Variants in KLF7 observed in about 807,000 individuals in gnomAD.
KLF7 encodes the protein KLF transcription factor 7.
Under a neutral mutation model 27.3 loss-of-function variants are expected in KLF7, and 2 were observed. The ratio of observed to expected loss-of-function variants is 0.07; its 90% CI spans 0.03 to 0.23. The LOEUF is 0.23. KLF7 is among the 10% of genes least tolerant of loss of function. The pLI, the probability that KLF7 is intolerant of heterozygous loss-of-function variation, is 1.00. For missense variants in KLF7, 221 were observed against 394.1 expected (o/e 0.56, Z 3.72); for synonymous variants, 165 against 162.4 (o/e 1.02, Z -0.12).
chr2:207,143,863 G>A lies in KLF7; in HGVS notation c.103-19459C>T, dbSNP rs556157634. On this transcript the variant is annotated intron_variant, in intron 1 of 3. Coordinates refer to ENST00000309446, the MANE Select transcript of KLF7 (RefSeq NM_003709.4). ...AGCTTCAGGGCCGGAAAGAGAGTTA[G>A]AGGAGGCACACTTCCTAGCTTGGGG... Among the ~76,000 whole-genome samples, 120 of 152,294 alleles carry A rather than the reference G, an allele frequency of 7.9e-4. 1 individual carries two copies. The South Asian group carries it at 0.024, about 31-fold the overall frequency.
chr2:207,106,842 TG>T (rs1324971317), intron 2 of KLF7, among the ~76,000 whole-genome samples: 1 of 152,008 alleles, frequency 6.6e-6, no homozygotes. Flanking sequence ...GGAAGAAGGG[TG>T]GGGTCTGCTC....
At chr2:207,095,031 C>CTTTTTTTT (rs36091471) in intron 2 of KLF7, among the ~76,000 whole-genome samples, 15 of 82,432 alleles carry the variant, frequency 1.8e-4, no homozygotes, top group South Asian at 5.3e-4. Flanking sequence ...TGTTTTTATT[C>CTTTTTTTT]TTTTTTTTTT....
At chr2:207,127,531 G>A (rs2077513554) in intron 1 of KLF7, among the ~76,000 whole-genome samples, 1 of 152,140 alleles carries the variant, frequency 6.6e-6, no homozygotes. Context: ...AAATGATTAT[G>A]AGAACTCTCA....
Position 207,123,814 on chromosome 2 carries a change from T to A in KLF7, c.693A>T (p.Thr231=), listed in dbSNP as rs955581950. 1 of 1,614,106 alleles carries A rather than the reference T, an allele frequency of 6.2e-7. No individual in the cohort carries two copies. Among genetic ancestry groups the A allele is most frequent in the East Asian group, 2.2e-5 (1 of 44,880 alleles). Residue 231 remains threonine (T), a synonymous_variant, in exon 2 of 4, where the codon ACA becomes ACT. Coordinates refer to ENST00000309446, the MANE Select transcript of KLF7 (RefSeq NM_003709.4). ...CQFNGCRKVY[T]KSSHLKAHQR... Reference sequence around the variant, plus strand: ...GGTGGGCCTTTAAGTGGGAGCTTTTTGTATAAACTTTCCGGCACCCGTTAA... The same window carrying A: ...GGTGGGCCTTTAAGTGGGAGCTTTTAGTATAAACTTTCCGGCACCCGTTAA...
intron 1 of KLF7, chr2:207,134,237 A>AAT: frequency 1.1e-6 from 1 of 889,792 alleles, no homozygotes; most frequent in Non-Finnish European, 1.6e-6. Context: ...CAGTTGGGTT[A>AAT]ATTAATATAC....
At chr2:207,120,010 T>C (rs996609002) in intron 2 of KLF7, among the ~76,000 whole-genome samples, 56 of 152,170 alleles carry the variant, frequency 3.7e-4, no homozygotes, top group African/African-American at 1.3e-3. Context: ...TCCATTTTTA[T>C]ATGCTTCCTT....
chr2:207,091,457 C>T (rs1015265865), intron 2 of KLF7, among the ~76,000 whole-genome samples: 2 of 152,180 alleles, frequency 1.3e-5, no homozygotes, highest in Non-Finnish European at 2.9e-5. Context: ...CAGAATAATA[C>T]TGAGGACAGG....
At chr2:207,112,529 A>T (rs1263627) in intron 2 of KLF7, among the ~76,000 whole-genome samples, 36,550 of 152,104 alleles carry the variant, frequency 0.24, 4,559 homozygotes, top group East Asian at 0.42. Context: ...ATTAGTGTCA[A>T]ATAAGAGTTG....
At chr2:207,133,691 T>G (rs1279049940) in intron 1 of KLF7, among the ~76,000 whole-genome samples, 1 of 152,126 alleles carries the variant, frequency 6.6e-6, no homozygotes, top group Non-Finnish European at 1.5e-5. Flanking sequence ...TGCACCTGTG[T>G]CAGTTCAAGG....
intron 1 of KLF7, among the ~76,000 whole-genome samples, chr2:207,160,167 T>C (rs888184899): frequency 2.6e-5 from 4 of 152,200 alleles, no homozygotes; most frequent in Non-Finnish European, 5.9e-5. Flanking sequence ...CATTAGTAGT[T>C]GAGTTTTCTA....
rs904413627 is a variant in KLF7, at chr2:207,078,229, A to G, written c.*2984T>C. The stretch of plus-strand genomic sequence containing the variant: ...TAGCACCCACCAAATTCTTAGGCCA[A>G]TTCTCACAGTCAACAAATGACTCTG... On this transcript the variant is annotated 3_prime_UTR_variant, in exon 4 of 4. Coordinates refer to ENST00000309446, the MANE Select transcript of KLF7 (RefSeq NM_003709.4). 3.3e-5 allele frequency: 5 copies of G among 152,256 alleles called. No individual in the cohort carries two copies. The allele number at this position is 152,256 out of a possible 1,614,324, so 9.4% of individuals were successfully genotyped here.
At chr2:207,124,537 A>T (rs974043668) in intron 1 of KLF7, 133 bp from the exon 2 acceptor site, 6 of 832,216 alleles carry the variant, frequency 7.2e-6, no homozygotes, top group African/African-American at 3.4e-5. Context: ...GCCTTAGTAG[A>T]AGGTCTGACC....
chr2:207,114,701 C>G (rs112653174), intron 2 of KLF7, among the ~76,000 whole-genome samples: 3,115 of 152,240 alleles, frequency 0.02, 102 homozygotes, highest in African/African-American at 0.07. Context: ...ACAAAACATC[C>G]CTGCTAGGAA....
chr2:207,129,432 G>A (rs1243434200), intron 1 of KLF7, among the ~76,000 whole-genome samples: 2 of 152,174 alleles, frequency 1.3e-5, no homozygotes, highest in Non-Finnish European at 2.9e-5. Flanking sequence ...ATTCCCGAGT[G>A]CAAAGTGATT....
chr2:207,083,911 A>G (rs1574413462), intron 3 of KLF7, among the ~76,000 whole-genome samples: 1 of 152,284 alleles, frequency 6.6e-6, no homozygotes, highest in East Asian at 1.9e-4. Flanking sequence ...AGAAGCTGGA[A>G]AAGGAAAGGA....
intron 1 of KLF7, among the ~76,000 whole-genome samples, chr2:207,158,515 T>C (rs538808468): frequency 6.6e-6 from 1 of 152,338 alleles, no homozygotes; most frequent in African/African-American, 2.4e-5. Flanking sequence ...TTTGTTGCTT[T>C]CTACTTCCAT....
At chr2:207,156,661 G>C (rs1164071370) in intron 1 of KLF7, among the ~76,000 whole-genome samples, 1 of 152,208 alleles carries the variant, frequency 6.6e-6, no homozygotes, top group African/African-American at 2.4e-5. Context: ...ATGGGTCACA[G>C]GAAATGTGAG....
intron 1 of KLF7, among the ~76,000 whole-genome samples, chr2:207,135,175 C>T (rs912360795): frequency 6.6e-6 from 1 of 152,118 alleles, no homozygotes; most frequent in African/African-American, 2.4e-5. Flanking sequence ...CATCTACCAG[C>T]TGAACTTCCA....
chr2:207,109,537 G>A (rs1035761794), intron 2 of KLF7, among the ~76,000 whole-genome samples: 38 of 152,072 alleles, frequency 2.5e-4, no homozygotes, highest in Admixed American at 2.4e-3. Flanking sequence ...TTACCTCATC[G>A]GTAAGTGAAG....
Sources: gnomAD v4.1 joint callset for allele counts (sites outside exome capture counted in the v4.1 genomes callset) on GRCh38, gnomAD v4.1.1 for gene constraint, MANE v1.5 for transcripts, NCBI Gene and HGNC (gene_info 2026-07-23, HGNC 2026-07-21) for gene names.